The following MEGF11 variants were observed in gnomAD, a reference collection of about 807,000 sequenced individuals.
The protein encoded by MEGF11 is multiple epidermal growth factor-like domains protein 11.
MEGF11 carries 126 observed loss-of-function variants against 146.6 expected under a neutral mutation model. The ratio of observed to expected loss-of-function variants is 0.86; its 90% confidence interval spans 0.74 to 1.00. The LOEUF is 1.00. MEGF11 is among the 50% of genes least tolerant of loss of function. MEGF11 has a pLI of 0.00. For missense variants in MEGF11, 1,509 were observed against 1,521.2 expected (o/e 0.99, Z 0.13); for synonymous variants, 532 against 583.4 (o/e 0.91, Z 1.27).
chr15:66,228,034 G>T (rs867598840), intron 1 of MEGF11, among the ~76,000 whole-genome samples: 2 of 152,228 alleles, frequency 1.3e-5, no homozygotes, highest in African/African-American at 4.8e-5. Context: ...AAGTCACCTT[G>T]TGACTATGGG....
chr15:66,154,013 C>T (rs1028545920), intron 1 of MEGF11, among the ~76,000 whole-genome samples: 1 of 152,204 alleles, frequency 6.6e-6, no homozygotes, highest in Non-Finnish European at 1.5e-5. Flanking sequence ...CTGCACAGCT[C>T]CCCGAGCATG....
At position 66,094,435 on chromosome 15, in the gene MEGF11, C is replaced by T. The variant is rs544812928; in HGVS notation, c.361G>A (p.Glu121Lys). 38 of 1,564,074 alleles carry T rather than the reference C, an allele frequency of 2.4e-5. No individual in the cohort carries two copies. The highest frequency in any genetic ancestry group is 3.1e-5 in the Non-Finnish European group (36 of 1,153,610). The change falls in exon 5 of 26, where the codon GAG (glutamate) becomes AAG (lysine). Residue 121 changes from glutamate (E) to lysine (K), a missense_variant. Coordinates refer to ENST00000395614, the MANE Select transcript of MEGF11 (RefSeq NM_001385028.1). Reference sequence around the variant, plus strand: ...CAGTCGGGCCCTCCCCAGCCAGGCTCGCAGTGGCAGGTGTCCGGGGAAACG... The same window carrying T: ...CAGTCGGGCCCTCCCCAGCCAGGCTTGCAGTGGCAGGTGTCCGGGGAAACG... ...RCVSPDTCHC[E>K]PGWGGPDCSS...
At chr15:65,952,071 A>T (rs532704292) in intron 10 of MEGF11, among the ~76,000 whole-genome samples, 1 of 152,152 alleles carries the variant, frequency 6.6e-6, no homozygotes, top group South Asian at 2.1e-4. Flanking sequence ...TATTATTATA[A>T]TTGTTCTATT....
chr15:66,079,881 T>A (rs1252407969), intron 5 of MEGF11, among the ~76,000 whole-genome samples: 1 of 152,160 alleles, frequency 6.6e-6, no homozygotes, highest in Non-Finnish European at 1.5e-5. Context: ...CTGATCCTCA[T>A]CCTGACAAAG....
intron 5 of MEGF11, among the ~76,000 whole-genome samples, chr15:66,035,451 A>G (rs542409862): frequency 1.3e-5 from 2 of 152,152 alleles, no homozygotes; most frequent in South Asian, 4.2e-4. Flanking sequence ...ACACATTCCC[A>G]TCTCCGTGCC....
chr15:65,986,061 C>G (rs1253752076), intron 5 of MEGF11, among the ~76,000 whole-genome samples: 1 of 151,778 alleles, frequency 6.6e-6, no homozygotes, highest in South Asian at 2.1e-4. Context: ...AAGCGATTCT[C>G]CTGCCTCAGC....
chr15:66,125,406 G>C (rs2088286338), intron 2 of MEGF11, among the ~76,000 whole-genome samples: 1 of 152,204 alleles, frequency 6.6e-6, no homozygotes, highest in Non-Finnish European at 1.5e-5. Context: ...CACATCTCCT[G>C]AATGCCTCAC....
chr15:66,062,754 G>A (rs1597043136), intron 5 of MEGF11, among the ~76,000 whole-genome samples: 1 of 152,342 alleles, frequency 6.6e-6, no homozygotes, highest in South Asian at 2.1e-4. Context: ...GACATAGTGA[G>A]CTTTGTAGAT....
intron 4 of MEGF11, among the ~76,000 whole-genome samples, chr15:66,099,451 C>T (rs1004218400): frequency 6.6e-6 from 1 of 152,144 alleles, no homozygotes; most frequent in Non-Finnish European, 1.5e-5. Context: ...TCCCAAAGTG[C>T]CGGGATTATA....
chr15:66,105,090 G>T (rs1402571552), intron 4 of MEGF11, among the ~76,000 whole-genome samples: 2 of 151,916 alleles, frequency 1.3e-5, no homozygotes, highest in African/African-American at 4.8e-5. Flanking sequence ...CCCAAACCTG[G>T]ATCTTGCCTC....
chr15:66,013,089 A>G (rs1291495295), intron 5 of MEGF11, among the ~76,000 whole-genome samples: 1 of 152,232 alleles, frequency 6.6e-6, no homozygotes, highest in Non-Finnish European at 1.5e-5. Flanking sequence ...CTTGACCAAG[A>G]TAGCTCATGA....
intron 1 of MEGF11, among the ~76,000 whole-genome samples, chr15:66,161,551 A>C (rs886301426): frequency 3.9e-5 from 6 of 152,008 alleles, no homozygotes; most frequent in African/African-American, 1.2e-4. Flanking sequence ...ATGCCTGGCT[A>C]AATTTTTGTT....
At chr15:66,212,404 G>C (rs114062605) in intron 1 of MEGF11, among the ~76,000 whole-genome samples, 4 of 152,116 alleles carry the variant, frequency 2.6e-5, no homozygotes, top group East Asian at 1.9e-4. Context: ...GGTGCATCGT[G>C]GGGGGACTGG....
At chr15:66,174,341 C>T (rs117469468) in intron 1 of MEGF11, among the ~76,000 whole-genome samples, 1,566 of 152,290 alleles carry the variant, frequency 0.01, 16 homozygotes, top group Non-Finnish European at 0.015. Context: ...ATCTCCATCC[C>T]TCCCAAGAGG....
chr15:65,938,848 G>T (rs947741791), intron 10 of MEGF11, among the ~76,000 whole-genome samples: 13 of 152,166 alleles, frequency 8.5e-5, no homozygotes, highest in African/African-American at 3.1e-4. Context: ...GTAATGAGTT[G>T]TATGTTCTAT....
intron 1 of MEGF11, among the ~76,000 whole-genome samples, chr15:66,153,682 C>T (rs749065471): frequency 7.2e-5 from 11 of 152,184 alleles, no homozygotes; most frequent in Non-Finnish European, 1.5e-4. Flanking sequence ...CACCCAGGTG[C>T]GCCCAGACAC....
At chr15:66,098,616 A>T (rs540020995) in intron 4 of MEGF11, among the ~76,000 whole-genome samples, 1 of 152,222 alleles carries the variant, frequency 6.6e-6, no homozygotes, top group African/African-American at 2.4e-5. Flanking sequence ...CTCCAGAGCC[A>T]CCCCCGAACC....
intron 8 of MEGF11, among the ~76,000 whole-genome samples, chr15:65,970,200 C>G (rs892294271): frequency 6.7e-6 from 1 of 149,514 alleles, no homozygotes; most frequent in Non-Finnish European, 1.5e-5. Context: ...AGAAATCGTG[C>G]AAAACATATG....
chr15:66,130,661 A>AAAGG (rs3082861), intron 1 of MEGF11, among the ~76,000 whole-genome samples: 128,739 of 146,050 alleles, frequency 0.88, 56,931 homozygotes, highest in Admixed American at 0.91. Context: ...AAATAAAGAG[A>AAAGG]AAGGAAGGAA....
Sources: allele counts gnomAD v4.1 joint callset (sites outside exome capture counted in the v4.1 genomes callset), GRCh38; gene constraint gnomAD v4.1.1; transcripts MANE v1.5; gene names NCBI Gene and HGNC (gene_info 2026-07-23, HGNC 2026-07-21).